CSMD2: variants seen among roughly 807,000 people sequenced by gnomAD.
CSMD2 encodes CUB and sushi domain-containing protein 2.
CSMD2 carries 130 observed loss-of-function variants against 398.5 expected under a neutral mutation model. The observed-to-expected ratio is 0.33, with a 90% CI of 0.28 to 0.38. The LOEUF is 0.38. Ranked by LOEUF, CSMD2 falls within the 10% of genes least tolerant of loss-of-function variation. CSMD2 has a pLI of 1.00. For synonymous variants in CSMD2, 1,828 were observed against 1,908.5 expected (o/e 0.96, Z 1.10); for missense variants, 3,829 against 4,764.9 (o/e 0.80, Z 5.78).
At chr1:33,792,578 C>T (rs749277389) in intron 10 of CSMD2, 52 bp from the exon 11 acceptor site, 29 of 1,264,008 alleles carry the variant, frequency 2.3e-5, no homozygotes, top group Non-Finnish European at 3.0e-5. Context: ...AGGAAGCCTT[C>T]CAAAGCCTTG....
rs753482764 is a variant in CSMD2 at position 34,089,085 on chromosome 1, T to C, written c.296A>G (p.Glu99Gly). Reference sequence around the variant, plus strand: ...CACAAGCTGGATTCTGTGCTGCTCTTCCGCGGTGATGGTCCACGTGCAGTT... The same window carrying C: ...CACAAGCTGGATTCTGTGCTGCTCTCCCGCGGTGATGGTCCACGTGCAGTT... ...YANCTWTITA[E>G]EQHRIQLVFQ... Residue 99 changes from glutamate (E) to glycine (G), a missense_variant, in exon 2 of 71, where the codon GAA becomes GGA. Coordinates refer to ENST00000373381, the MANE Select transcript of CSMD2 (RefSeq NM_001281956.2). The C allele has an allele frequency of 6.2e-7, 1 of 1,614,154 alleles. No individual in the cohort carries two copies. Among genetic ancestry groups the C allele is most frequent in the South Asian group, 1.1e-5 (1 of 91,076 alleles).
At position 33,723,317 on chromosome 1, in the gene CSMD2, C is replaced by T. The variant is rs138268441; in HGVS notation, c.3001+880G>A. On this transcript the variant is annotated intron_variant, in intron 19 of 70. Transcript: ENST00000373381. ...GAAAACATAGATGCCTGGTTTCCAC[C>T]GCCAACGTAGAAAATCAAAACCTCT... Among the ~76,000 whole-genome samples the T allele has an allele frequency of 1.1e-3, 170 of 152,262 alleles. 3 individuals are homozygous for T. In the South Asian group the frequency reaches 0.03, roughly 27 times the overall value.
At chr1:34,087,431 T>G (rs537746372) in intron 2 of CSMD2, among the ~76,000 whole-genome samples, 104 of 142,368 alleles carry the variant, frequency 7.3e-4, no homozygotes, top group Middle Eastern at 3.5e-3. Flanking sequence ...TGAGAACACA[T>G]GGACAAAGGG....
chr1:33,863,866 T>C (rs943829643), intron 5 of CSMD2: 5 of 226,118 alleles, frequency 2.2e-5, no homozygotes, highest in South Asian at 2.0e-4. Flanking sequence ...CTGGGGGACA[T>C]AGCTGCCTCA....
intron 21 of CSMD2, 127 bp from the exon 22 acceptor site, chr1:33,709,385 G>C: frequency 1.4e-6 from 1 of 732,984 alleles, no homozygotes; most frequent in Non-Finnish European, 2.2e-6. Flanking sequence ...AGGTGCCTGC[G>C]TGTCTGTCCA....
intron 5 of CSMD2, among the ~76,000 whole-genome samples, chr1:33,892,698 C>T (rs941052621): frequency 3.9e-5 from 6 of 152,166 alleles, no homozygotes; most frequent in African/African-American, 1.4e-4. Context: ...ACATATACCA[C>T]GTTTTCTTTA....
At chr1:34,060,469 G>T (rs1654350394) in intron 2 of CSMD2, among the ~76,000 whole-genome samples, 1 of 152,088 alleles carries the variant, frequency 6.6e-6, no homozygotes, top group Admixed American at 6.5e-5. Context: ...GGCGGAGGAT[G>T]CAGGGCCCCT....
At chr1:33,929,913 C>T (rs1278598903) in intron 4 of CSMD2, among the ~76,000 whole-genome samples, 2 of 152,178 alleles carry the variant, frequency 1.3e-5, no homozygotes, top group Admixed American at 1.3e-4. Context: ...GGCCACCTCC[C>T]CACAGAGGCC....
rs1157726166 is a variant in CSMD2, at chr1:33,624,867, C to T, written c.5500+184G>A. 2.0e-5 allele frequency among the ~76,000 whole-genome samples: 3 copies of T among 152,176 alleles called. No individual in the cohort carries two copies. The highest frequency in any genetic ancestry group is 4.1e-4 in the South Asian group (2 of 4,832). ...CACGTGTGCCCCGTCCCCAGTACAC[C>T]GGCTGTCTTCACACAGCCCACAGCG... On this transcript the variant is annotated intron_variant, in intron 34 of 70. Coordinates refer to ENST00000373381, the MANE Select transcript of CSMD2 (RefSeq NM_001281956.2). This position sits in a 1 kb window ranked among gnomAD's most constrained non-coding sequence, Gnocchi z 4.7.
intron 10 of CSMD2, among the ~76,000 whole-genome samples, chr1:33,797,790 C>T (rs1162698325): frequency 2.0e-5 from 3 of 152,168 alleles, no homozygotes; most frequent in South Asian, 2.1e-4. Context: ...TGCATATTCT[C>T]ACCATATCAG....
intron 3 of CSMD2, among the ~76,000 whole-genome samples, chr1:33,984,478 T>C (rs1035830067): frequency 1.3e-5 from 2 of 152,150 alleles, no homozygotes; most frequent in African/African-American, 4.8e-5. Context: ...TTTCCAAACT[T>C]GCTTTTTAAG....
chr1:33,626,621 CA>C, intron 32 of CSMD2, 40 bp from the exon 33 acceptor site: 2 of 1,469,658 alleles, frequency 1.4e-6, no homozygotes, highest in Non-Finnish European at 1.9e-6. Flanking sequence ...ACAGTGAGTC[CA>C]GCAGGTGGGC....
At chr1:33,606,242 C>T (rs1640599422) in intron 41 of CSMD2, among the ~76,000 whole-genome samples, 1 of 152,218 alleles carries the variant, frequency 6.6e-6, no homozygotes, top group African/African-American at 2.4e-5. Flanking sequence ...TAATTGCGCC[C>T]ACTCCACTCA....
At chr1:33,707,685 GCGCGCGCGCGCACA>G (rs1277334207) in intron 22 of CSMD2, among the ~76,000 whole-genome samples, 4 of 41,674 alleles carry the variant, frequency 9.6e-5, no homozygotes, top group Non-Finnish European at 1.7e-4. Context: ...GCGTGCACAC[GCGCGCGCGCGCACA>G]CACACACACA....
At chr1:33,945,632 G>A (rs1259881341) in intron 3 of CSMD2, among the ~76,000 whole-genome samples, 1 of 152,156 alleles carries the variant, frequency 6.6e-6, no homozygotes, top group Non-Finnish European at 1.5e-5. Flanking sequence ...TCCTGCTCCT[G>A]TCACTCTCTA....
intron 2 of CSMD2, among the ~76,000 whole-genome samples, chr1:34,077,450 C>T (rs1326909539): frequency 2.0e-5 from 2 of 100,030 alleles, no homozygotes; most frequent in Non-Finnish European, 3.8e-5. Flanking sequence ...GAGCGGAACT[C>T]CGTCTCAAAA....
chr1:33,839,185 G>A (rs1278746699), intron 6 of CSMD2: 1 of 152,218 alleles, frequency 6.6e-6, no homozygotes, highest in Non-Finnish European at 1.5e-5. Flanking sequence ...AATAACATAT[G>A]AGAAGTCCAG....
At chr1:34,020,459 A>C (rs1463972810) in intron 3 of CSMD2, among the ~76,000 whole-genome samples, 1 of 152,138 alleles carries the variant, frequency 6.6e-6, no homozygotes, top group African/African-American at 2.4e-5. Flanking sequence ...AGGCAGCAAC[A>C]ACGCCCTGAG....
At chr1:33,535,916 C>A (rs755208759) in intron 62 of CSMD2, among the ~76,000 whole-genome samples, 1 of 152,180 alleles carries the variant, frequency 6.6e-6, no homozygotes, top group African/African-American at 2.4e-5. Context: ...CCGTTCACAC[C>A]CCTTTATATC....
Sources: allele counts gnomAD v4.1 joint callset (sites outside exome capture counted in the v4.1 genomes callset), GRCh38; gene constraint gnomAD v4.1.1; non-coding constraint Gnocchi (gnomAD v3.1); transcripts MANE v1.5; gene names NCBI Gene and HGNC (gene_info 2026-07-23, HGNC 2026-07-21).